MYO5A: variants seen among roughly 807,000 people sequenced by gnomAD.
MYO5A encodes the protein myosin VA.
MYO5A carries 98 observed loss-of-function variants against 249.7 expected under a neutral mutation model. The observed-to-expected ratio is 0.39, with a 90% confidence interval of 0.33 to 0.46. The LOEUF (loss-of-function observed/expected upper bound fraction) is 0.46, where lower values mean the gene tolerates loss of function less well. Among genes scored for constraint, MYO5A ranks in the 20% least tolerant of loss-of-function variants. The probability of loss-of-function intolerance (pLI) is 0.98; values close to 1 mark genes in which losing one functional copy is unlikely to be tolerated. For missense variants in MYO5A, 1,696 were observed against 2,308.8 expected (o/e 0.73, Z 5.44); for synonymous variants, 778 against 810.6 (o/e 0.96, Z 0.68).
At position 52,311,042 on chromosome 15, in the gene MYO5A, G is replaced by A. The variant is rs1351536402; in HGVS notation, c.*2654C>T. On this transcript the variant is annotated 3_prime_UTR_variant, in exon 42 of 42. Coordinates refer to ENST00000399233, the MANE Select transcript of MYO5A (RefSeq NM_001382347.1). The stretch of plus-strand genomic sequence containing the variant: ...TTTGTGCCACCATCGCTGAACAGGA[G>A]AAACCACCAAGGGCAGCTGTAGGAG... 6.6e-6 allele frequency: 1 copy of A among 152,528 alleles called. No homozygotes were observed. Among genetic ancestry groups the A allele is most frequent in the Non-Finnish European group, 1.5e-5 (1 of 68,318 alleles). 9.4% of individuals were successfully genotyped at this position (152,528 alleles called of 1,614,324 possible). A position where few individuals can be genotyped will look rare whatever the true frequency, so the allele number is the denominator to read the frequency against.
chr15:52,452,049 T>G (rs2076030694), intron 1 of MYO5A, among the ~76,000 whole-genome samples: 1 of 152,122 alleles, frequency 6.6e-6, no homozygotes, highest in Non-Finnish European at 1.5e-5. Flanking sequence ...AAAAACAATG[T>G]GTATGTCAGA....
At chr15:52,362,537 T>C (rs1468961908) in intron 24 of MYO5A, among the ~76,000 whole-genome samples, 2 of 152,214 alleles carry the variant, frequency 1.3e-5, no homozygotes, top group African/African-American at 4.8e-5. Flanking sequence ...AAAGGAGATC[T>C]AGTGAAGAAA....
At chr15:52,431,399 A>C (rs1338736792) in intron 2 of MYO5A, among the ~76,000 whole-genome samples, 2 of 151,896 alleles carry the variant, frequency 1.3e-5, no homozygotes, top group African/African-American at 4.8e-5. Context: ...CATACATACA[A>C]ACACATACAT....
At chr15:52,489,505 A>C (rs1284202789) in intron 1 of MYO5A, among the ~76,000 whole-genome samples, 1 of 151,388 alleles carries the variant, frequency 6.6e-6, no homozygotes, top group Non-Finnish European at 1.5e-5. Flanking sequence ...CAGAGGTTGC[A>C]GTGAGCCAAG....
chr15:52,363,820 T>C (rs1020082465), intron 24 of MYO5A, among the ~76,000 whole-genome samples: 2 of 151,980 alleles, frequency 1.3e-5, no homozygotes, highest in Non-Finnish European at 2.9e-5. Flanking sequence ...TGCAGAAGAG[T>C]CCTTGAAATA....
At chr15:52,390,314 AT>A in intron 12 of MYO5A, among the ~76,000 whole-genome samples, 1 of 152,240 alleles carries the variant, frequency 6.6e-6, no homozygotes, top group African/African-American at 2.4e-5. Context: ...TGGATACCCA[AT>A]TTTCCATGAT....
At chr15:52,420,842 T>G (rs964132188) in intron 4 of MYO5A, among the ~76,000 whole-genome samples, 1 of 152,182 alleles carries the variant, frequency 6.6e-6, no homozygotes, top group Non-Finnish European at 1.5e-5. Context: ...GGCCAGGTAG[T>G]TGAAAGTAAG....
rs1342756750 is a variant in MYO5A, at chr15:52,405,391, T to C, written c.949A>G (p.Ile317Val). ...ATTCCCATTTGATGAGATTCACTAATTCCTGAAACAAGAGAGTGAATGAAC... is the reference window on the plus strand; with the variant it reads ...ATTCCCATTTGATGAGATTCACTAACTCCTGAAACAAGAGAGTGAATGAAC... ...HTRQACTLLG[I>V]SESHQMGIFR... The change falls in exon 9 of 42, where the codon ATT (isoleucine) becomes GTT (valine). Residue 317 changes from isoleucine to valine, a missense_variant and splice_region_variant. Around this residue, in one of 5 missense-constraint regions of MYO5A, gnomAD observed 185 missense variants for 204.8 expected, o/e 0.90. Coordinates refer to ENST00000399233, the MANE Select transcript of MYO5A (RefSeq NM_001382347.1). 6.3e-7 allele frequency: 1 copy of C among 1,597,156 alleles called. No homozygotes were observed. The highest frequency in any genetic ancestry group is 1.3e-5 in the African/African-American group (1 of 74,656).
chr15:52,493,605 T>G (rs1348929846), intron 1 of MYO5A, among the ~76,000 whole-genome samples: 1 of 151,860 alleles, frequency 6.6e-6, no homozygotes, highest in Non-Finnish European at 1.5e-5. Flanking sequence ...GAGGTTGCAG[T>G]GAGCCAAGAT....
intron 14 of MYO5A, among the ~76,000 whole-genome samples, 164 bp from the exon 15 acceptor site, chr15:52,384,486 G>C (rs984034090): frequency 1.3e-5 from 2 of 152,030 alleles, no homozygotes; most frequent in Non-Finnish European, 2.9e-5. Flanking sequence ...ATGAGAGGAA[G>C]GTGAGGTAAG....
intron 1 of MYO5A, among the ~76,000 whole-genome samples, chr15:52,442,246 T>TGGCGCCACC (rs1254503997): frequency 5.3e-5 from 8 of 151,944 alleles, no homozygotes; most frequent in Non-Finnish European, 1.0e-4. Flanking sequence ...AAAGAAATGC[T>TGGCGCCACC]GGCGCCACCA....
chr15:52,454,527 T>C (rs1415591292), intron 1 of MYO5A, among the ~76,000 whole-genome samples: 1 of 152,034 alleles, frequency 6.6e-6, no homozygotes, highest in African/African-American at 2.4e-5. Flanking sequence ...TTACAGAACA[T>C]TTCACCCATT....
rs2041827734 is a variant in MYO5A, at chr15:52,383,132, A to G, written c.1971T>C (p.Tyr657=). The part of the protein sequence containing the change: ...METLNATTPH[Y]VRCIKPNDFK... The stretch of plus-strand genomic sequence containing the variant: ...AGTCATTAGGCTTGATACAGCGCAC[A>G]TAGTGAGGGGTAGTGGCATTGAGTG... The change falls in exon 16 of 42, where the codon TAT becomes TAC. Residue 657 remains tyrosine (Y), a synonymous_variant. Transcript: ENST00000399233. 1 of 1,614,078 alleles carries G rather than the reference A, an allele frequency of 6.2e-7. No individual in the cohort carries two copies. Among genetic ancestry groups the G allele is most frequent in the Non-Finnish European group, 8.5e-7 (1 of 1,179,926 alleles).
chr15:52,505,907 TAA>T, intron 1 of MYO5A: 1 of 1,483,862 alleles, frequency 6.7e-7, no homozygotes, highest in Non-Finnish European at 8.9e-7. Context: ...CTTGAAAGAT[TAA>T]AAAAAAAATT....
intron 24 of MYO5A, among the ~76,000 whole-genome samples, chr15:52,361,382 G>C (rs2040516795): frequency 1.3e-5 from 2 of 152,200 alleles, no homozygotes; most frequent in South Asian, 4.1e-4. Context: ...TTAAAAATGA[G>C]AGAGATCCCT....
chr15:52,370,021 T>G, intron 22 of MYO5A, 148 bp downstream of exon 22: 1 of 1,066,080 alleles, frequency 9.4e-7, no homozygotes. Flanking sequence ...AAATAAATGC[T>G]TGGGAAACAG....
intron 3 of MYO5A, 75 bp from the exon 4 acceptor site, chr15:52,426,049 T>C (rs2075387809): frequency 7.8e-7 from 1 of 1,277,002 alleles, no homozygotes; most frequent in African/African-American, 1.5e-5. Context: ...CTTAGTAAAG[T>C]GAGACTCACA....
intron 1 of MYO5A, among the ~76,000 whole-genome samples, chr15:52,461,700 C>T (rs762743385): frequency 6.6e-6 from 1 of 152,176 alleles, no homozygotes; most frequent in Non-Finnish European, 1.5e-5. Flanking sequence ...TGGTCATTCA[C>T]GCCTGTAATC....
intron 36 of MYO5A, chr15:52,323,769 C>T (rs765345779): frequency 2.5e-4 from 79 of 320,196 alleles, no homozygotes; most frequent in Non-Finnish European, 4.2e-4. Flanking sequence ...TTTGGGAGGC[C>T]GAGGCAGATG....
Sources: allele counts gnomAD v4.1 joint callset (sites outside exome capture counted in the v4.1 genomes callset), GRCh38; gene constraint gnomAD v4.1.1; regional missense constraint gnomAD v4.1.1; transcripts MANE v1.5; gene names NCBI Gene and HGNC (gene_info 2026-07-23, HGNC 2026-07-21).